DGKB: variants seen among roughly 807,000 people sequenced by gnomAD.
The protein encoded by DGKB is 90 kDa diacylglycerol kinase.
DGKB carries 67 observed loss-of-function variants against 114.3 expected under a neutral mutation model. That is an observed-to-expected ratio of 0.59 (90% CI 0.48 to 0.72). DGKB has a LOEUF of 0.72. DGKB is among the 30% of genes least tolerant of loss of function. The pLI, the probability that DGKB is intolerant of heterozygous loss-of-function variation, is 0.00. For missense variants in DGKB, 907 were observed against 975.2 expected, an observed-to-expected ratio of 0.93 and a Z score of 0.93; for synonymous variants, 398 against 323.1, an observed-to-expected ratio of 1.23 and a Z score of -2.49.
intron 20 of DGKB, among the ~76,000 whole-genome samples, chr7:14,536,837 A>C (rs1226378975): frequency 9.0e-6 from 1 of 111,376 alleles, no homozygotes; most frequent in African/African-American, 3.5e-5. Flanking sequence ...GCAATTAAGA[A>C]AGGAAAAAAA....
intron 23 of DGKB, among the ~76,000 whole-genome samples, chr7:14,194,917 G>A (rs114663176): frequency 9.9e-5 from 15 of 152,150 alleles, no homozygotes; most frequent in African/African-American, 3.6e-4. Flanking sequence ...GACCAAAGGA[G>A]TTCAGGGCCT....
intron 20 of DGKB, among the ~76,000 whole-genome samples, chr7:14,549,081 G>GA (rs943747297): frequency 2.3e-4 from 35 of 151,928 alleles, no homozygotes; most frequent in African/African-American, 8.5e-4. Flanking sequence ...AGTAAAGTTA[G>GA]AAAATCTCTT....
intron 2 of DGKB, among the ~76,000 whole-genome samples, chr7:14,803,141 T>C (rs997705350): frequency 1.2e-4 from 19 of 152,010 alleles, no homozygotes; most frequent in African/African-American, 4.6e-4. Flanking sequence ...AGGATCTTAT[T>C]ATGTTGTCTA....
intron 20 of DGKB, among the ~76,000 whole-genome samples, chr7:14,501,162 T>C (rs1274351782): frequency 6.6e-6 from 1 of 151,684 alleles, no homozygotes. Flanking sequence ...GGATCTAGGG[T>C]TATAGGAATC....
intron 25 of DGKB, among the ~76,000 whole-genome samples, chr7:14,162,746 G>C (rs1373070822): frequency 6.6e-6 from 1 of 152,090 alleles, no homozygotes; most frequent in Non-Finnish European, 1.5e-5. Flanking sequence ...AAGTTTAATT[G>C]TAAACATAAC....
At chr7:14,815,563 G>A (rs1169224064) in intron 2 of DGKB, among the ~76,000 whole-genome samples, 1 of 152,068 alleles carries the variant, frequency 6.6e-6, no homozygotes, top group African/African-American at 2.4e-5. Flanking sequence ...TAGGTGCTAT[G>A]GCACATTACC....
At chr7:14,383,977 G>C (rs903651919) in intron 21 of DGKB, among the ~76,000 whole-genome samples, 10 of 152,180 alleles carry the variant, frequency 6.6e-5, no homozygotes, top group Admixed American at 3.3e-4. Flanking sequence ...TGAGGACCAA[G>C]ATTGACCATA....
chr7:14,735,695 T>C (rs1226344817), intron 5 of DGKB, among the ~76,000 whole-genome samples: 1 of 152,244 alleles, frequency 6.6e-6, no homozygotes, highest in Non-Finnish European at 1.5e-5. Flanking sequence ...TATACCTTTT[T>C]AGATATAGTT....
intron 2 of DGKB, among the ~76,000 whole-genome samples, chr7:14,778,511 T>C (rs1838566475): frequency 6.6e-6 from 1 of 152,234 alleles, no homozygotes; most frequent in Non-Finnish European, 1.5e-5. Flanking sequence ...AAAATGATAA[T>C]TGATTTTCCA....
chr7:14,357,540 C>T (rs1243683418), intron 21 of DGKB, among the ~76,000 whole-genome samples: 3 of 152,134 alleles, frequency 2.0e-5, no homozygotes, highest in Non-Finnish European at 2.9e-5. Flanking sequence ...TGGGTCTTGA[C>T]TCTTTATCCG....
At chr7:14,640,030 T>C (rs1811451639) in intron 13 of DGKB, among the ~76,000 whole-genome samples, 1 of 152,192 alleles carries the variant, frequency 6.6e-6, no homozygotes, top group African/African-American at 2.4e-5. Context: ...AGAGTCAGCA[T>C]GCAAATACAG....
rs73285813 is a variant in DGKB at position 14,495,490 on chromosome 7, C to A, written c.1771-17265G>T. Reference sequence around the variant, plus strand: ...GGCTTATAGTCTTTTGAAAGGACAGCAAAATAGACGAAACAAAACCAAGAT... The same window carrying A: ...GGCTTATAGTCTTTTGAAAGGACAGAAAAATAGACGAAACAAAACCAAGAT... On this transcript the variant is annotated intron_variant, in intron 20 of 25. Coordinates refer to ENST00000402815, the MANE Select transcript of DGKB (RefSeq NM_001350709.2). Among the ~76,000 whole-genome samples the A allele has an allele frequency of 8.4e-4, 128 of 151,722 alleles. 1 individual carries two copies. Among genetic ancestry groups the A allele is most frequent in the African/African-American group, 2.7e-3 (111 of 41,452 alleles).
intron 2 of DGKB, among the ~76,000 whole-genome samples, chr7:14,775,314 A>C (rs191958671): frequency 8.8e-4 from 134 of 152,134 alleles, no homozygotes; most frequent in Non-Finnish European, 1.5e-3. Context: ...TATTTTGAGC[A>C]TTTAAATAAC....
chr7:14,744,156 CAT>C (rs1159771686), intron 4 of DGKB, among the ~76,000 whole-genome samples: 1 of 152,196 alleles, frequency 6.6e-6, no homozygotes, highest in Non-Finnish European at 1.5e-5. Flanking sequence ...AAGCTATACT[CAT>C]GTGAACAAAA....
At chr7:14,163,226 G>C (rs1167497235) in intron 25 of DGKB, among the ~76,000 whole-genome samples, 2 of 152,096 alleles carry the variant, frequency 1.3e-5, no homozygotes, top group East Asian at 3.8e-4. Context: ...TTGGAAATTA[G>C]TCACAATCAA....
chr7:14,445,324 A>G (rs957414753), intron 21 of DGKB, among the ~76,000 whole-genome samples: 2 of 151,916 alleles, frequency 1.3e-5, no homozygotes, highest in Non-Finnish European at 2.9e-5. Context: ...AAGAGCTGCT[A>G]CATTGCTTTG....
intron 17 of DGKB, among the ~76,000 whole-genome samples, chr7:14,598,863 A>G (rs1803043947): frequency 6.6e-6 from 1 of 152,142 alleles, no homozygotes; most frequent in Non-Finnish European, 1.5e-5. Flanking sequence ...CATCTAACCT[A>G]TGATTTGTCA....
chr7:14,173,645 A>C (rs1319630631), intron 25 of DGKB, among the ~76,000 whole-genome samples: 2 of 152,202 alleles, frequency 1.3e-5, no homozygotes, highest in Non-Finnish European at 1.5e-5. Flanking sequence ...TGTAAGAAAA[A>C]TATTGGGTTA....
chr7:14,600,767 G>T (rs939052434), intron 17 of DGKB, among the ~76,000 whole-genome samples: 2 of 152,194 alleles, frequency 1.3e-5, no homozygotes, highest in East Asian at 1.9e-4. Context: ...CCTCTTTGAC[G>T]ATGTGTCCTG....
Sources: allele counts gnomAD v4.1 joint callset (sites outside exome capture counted in the v4.1 genomes callset), GRCh38; gene constraint gnomAD v4.1.1; transcripts MANE v1.5; gene names NCBI Gene and HGNC (gene_info 2026-07-23, HGNC 2026-07-21).